The following PRKCE variants were observed in gnomAD, a reference collection of about 807,000 sequenced individuals.
PRKCE encodes the protein protein kinase C epsilon type.
Under a neutral mutation model 85.4 loss-of-function variants are expected in PRKCE, and 16 were observed. The ratio of observed to expected loss-of-function variants is 0.19; its 90% CI spans 0.13 to 0.28. The LOEUF is 0.28. Ranked by LOEUF, PRKCE falls within the 10% of genes least tolerant of loss-of-function variation. The pLI, the probability that PRKCE is intolerant of heterozygous loss-of-function variation, is 1.00. For missense variants in PRKCE, 573 were observed against 975.2 expected, an observed-to-expected ratio of 0.59 and a Z score of 5.49; for synonymous variants, 388 against 371.5, an observed-to-expected ratio of 1.04 and a Z score of -0.51.
intron 10 of PRKCE, among the ~76,000 whole-genome samples, chr2:46,022,586 C>A (rs1328607028): frequency 6.6e-6 from 1 of 152,250 alleles, no homozygotes; most frequent in Non-Finnish European, 1.5e-5. Flanking sequence ...TCAGCAAATG[C>A]TTCTACCTTG....
intron 10 of PRKCE, among the ~76,000 whole-genome samples, chr2:46,032,999 A>G (rs191592224): frequency 6.6e-6 from 1 of 152,298 alleles, no homozygotes; most frequent in Non-Finnish European, 1.5e-5. Context: ...GGTTTCATGT[A>G]TAGAACTGGA....
intron 2 of PRKCE, among the ~76,000 whole-genome samples, chr2:45,975,878 G>C (rs183269092): frequency 2.0e-5 from 3 of 152,212 alleles, no homozygotes; most frequent in Admixed American, 1.3e-4. Context: ...GCTTAGTCTA[G>C]GTAAGAGGAA....
intron 1 of PRKCE, among the ~76,000 whole-genome samples, chr2:45,771,045 T>G (rs1558653508): frequency 6.6e-6 from 1 of 152,130 alleles, no homozygotes. Context: ...ATTCCTGGGT[T>G]GACTAATCAG....
chr2:45,977,017 C>T (rs891042927), intron 3 of PRKCE, among the ~76,000 whole-genome samples: 7 of 151,934 alleles, frequency 4.6e-5, no homozygotes, highest in Admixed American at 2.0e-4. Flanking sequence ...ATGCCTCAGC[C>T]TCCCACATAG....
chr2:45,992,093 G>A (rs1044210728), intron 6 of PRKCE, among the ~76,000 whole-genome samples: 4 of 152,184 alleles, frequency 2.6e-5, no homozygotes, highest in African/African-American at 7.2e-5. Flanking sequence ...AATCATAGGC[G>A]ATAATTCAGG....
chr2:45,814,042 T>A (rs1688842528), intron 1 of PRKCE, among the ~76,000 whole-genome samples: 1 of 151,140 alleles, frequency 6.6e-6, no homozygotes, highest in African/African-American at 2.4e-5. Context: ...CCACCTCCGG[T>A]CCCCCCTCCC....
chr2:45,701,323 G>A (rs141935947), intron 1 of PRKCE: 1 of 152,072 alleles, frequency 6.6e-6, no homozygotes, highest in African/African-American at 2.4e-5. Context: ...GGTTAAATTG[G>A]GATGCTACCT....
At chr2:45,749,682 G>A (rs1000261976) in intron 1 of PRKCE, among the ~76,000 whole-genome samples, 8 of 152,244 alleles carry the variant, frequency 5.3e-5, no homozygotes, top group African/African-American at 1.9e-4. Flanking sequence ...ATGCTATGAA[G>A]TGTAGGTACT....
chr2:46,055,507 G>T (rs568797169), intron 10 of PRKCE, among the ~76,000 whole-genome samples: 1 of 152,348 alleles, frequency 6.6e-6, no homozygotes, highest in South Asian at 2.1e-4. Context: ...TATCTGGCTT[G>T]TGTATTTTCT....
At position 45,652,574 on chromosome 2, in the gene PRKCE, A is replaced by C. The variant is rs990204851; in HGVS notation, c.348+126A>C. On this transcript the variant is annotated intron_variant, in intron 1 of 14. Coordinates refer to ENST00000306156, the MANE Select transcript of PRKCE (RefSeq NM_005400.3). This position sits in a 1 kb window ranked among gnomAD's most constrained non-coding sequence, Gnocchi z 7.7. ...TGGGGTGTGTGTGCCTGTAAGTCTC[A>C]GTTTCCTTGGGGAGGTACACTTCAC... 1 of 927,500 alleles carries C rather than the reference A, an allele frequency of 1.1e-6. No homozygotes were observed. Among genetic ancestry groups the C allele is most frequent in the Non-Finnish European group, 1.6e-6 (1 of 635,140 alleles). The allele number at this position is 927,500 out of a possible 1,614,324, so 57.5% of individuals were successfully genotyped here.
In PRKCE at chr2:45,775,129, C is replaced by T. The variant is rs75475929; in HGVS notation, c.349-67871C>T. Among the ~76,000 whole-genome samples the T allele has an allele frequency of 1.6e-3, 237 of 152,246 alleles. 6 individuals carry two copies. The East Asian group carries it at 0.028, about 18-fold the overall frequency. ...GTCAGGTGTCGTGGCAGGCACTTTA[C>T]GTAATTGCCCCTCAAGCCCCATTGT... On this transcript the variant is annotated intron_variant, in intron 1 of 14. Coordinates refer to ENST00000306156, the MANE Select transcript of PRKCE (RefSeq NM_005400.3).
chr2:45,744,426 TTTCTTTCTTTC>T (rs1466091433), intron 1 of PRKCE, among the ~76,000 whole-genome samples: 1 of 22,464 alleles, frequency 4.5e-5, no homozygotes, highest in Non-Finnish European at 8.5e-5. Context: ...TCTTTCTTTC[TTTCTTTCTTTC>T]TTTCTTTCTT....
At position 46,138,472 on chromosome 2, in the gene PRKCE, A is replaced by C. The variant is rs1020934418; in HGVS notation, c.1593-6621A>C. ...ATGTGGGTTGAGGATGCCAATTAGC[A>C]GGGTTGGTAGAGTCAGGATTCCCAT... On this transcript the variant is annotated intron_variant, in intron 11 of 14. Transcript: ENST00000306156. This position sits in a 1 kb window ranked among gnomAD's most constrained non-coding sequence, Gnocchi z 4.2. Among the ~76,000 whole-genome samples the C allele has an allele frequency of 6.6e-6, 1 of 152,166 alleles. No homozygotes were observed. The highest frequency in any genetic ancestry group is 2.4e-5 in the African/African-American group (1 of 41,454).
intron 14 of PRKCE, among the ~76,000 whole-genome samples, chr2:46,168,875 C>T (rs1678606167): frequency 6.6e-6 from 1 of 152,134 alleles, no homozygotes. Context: ...AGATCCTATC[C>T]AAGTGGGTCT....
chr2:45,964,854 C>A (rs1387659579), intron 2 of PRKCE, among the ~76,000 whole-genome samples: 1 of 152,170 alleles, frequency 6.6e-6, no homozygotes. Context: ...GTATCAAAGT[C>A]TGAGATTTTC....
intron 1 of PRKCE, among the ~76,000 whole-genome samples, chr2:45,691,552 CT>C (rs1232638066): frequency 6.6e-6 from 1 of 152,218 alleles, no homozygotes; most frequent in African/African-American, 2.4e-5. Flanking sequence ...CCATTCATTC[CT>C]AAAAGGCTTT....
intron 1 of PRKCE, among the ~76,000 whole-genome samples, chr2:45,806,188 A>G (rs1008863779): frequency 1.3e-5 from 2 of 152,212 alleles, no homozygotes; most frequent in South Asian, 2.1e-4. Flanking sequence ...AATGAAGATT[A>G]TAGAAGGAAT....
intron 1 of PRKCE, among the ~76,000 whole-genome samples, chr2:45,784,057 G>A (rs1452930635): frequency 6.6e-6 from 1 of 152,276 alleles, no homozygotes; most frequent in Non-Finnish European, 1.5e-5. Context: ...TTCTCTGGAT[G>A]TCAGGAGAGC....
chr2:45,866,395 G>A (rs565091003), intron 2 of PRKCE, among the ~76,000 whole-genome samples: 26 of 152,068 alleles, frequency 1.7e-4, no homozygotes, highest in Non-Finnish European at 2.6e-4. Context: ...GCAAGCTCCC[G>A]CTCCTGGGTT....
Sources: gnomAD v4.1 joint callset for allele counts (sites outside exome capture counted in the v4.1 genomes callset) on GRCh38, gnomAD v4.1.1 for gene constraint, Gnocchi (gnomAD v3.1) non-coding constraint, MANE v1.5 for transcripts, NCBI Gene and HGNC (gene_info 2026-07-23, HGNC 2026-07-21) for gene names.